Variants in OSBPL10 observed in about 807,000 individuals in gnomAD.
OSBPL10 encodes oxysterol-binding protein-related protein 10.
OSBPL10 carries 49 observed loss-of-function variants against 81.7 expected under a neutral mutation model. That is an observed-to-expected ratio of 0.60 (90% CI 0.48 to 0.76). The LOEUF (loss-of-function observed/expected upper bound fraction) is 0.76, where lower values mean the gene tolerates loss of function less well. OSBPL10 is among the 30% of genes least tolerant of loss of function. The pLI is 0.00. For missense variants in OSBPL10, 923 were observed against 987.8 expected (o/e 0.93, Z 0.88); for synonymous variants, 419 against 383.6 (o/e 1.09, Z -1.08).
intron 3 of OSBPL10, among the ~76,000 whole-genome samples, chr3:31,873,021 C>A (rs919870526): frequency 6.6e-6 from 1 of 152,084 alleles, no homozygotes; most frequent in South Asian, 2.1e-4. Context: ...AAATAGGAAA[C>A]CAATCAGCAG....
intron 2 of OSBPL10, among the ~76,000 whole-genome samples, chr3:31,988,039 C>T (rs1376288627): frequency 6.6e-6 from 1 of 152,204 alleles, no homozygotes; most frequent in East Asian, 1.9e-4. Context: ...GAAGTATTCC[C>T]AGGCCTTGAG....
intron 1 of OSBPL10, among the ~76,000 whole-genome samples, chr3:31,913,751 A>T (rs1029546549): frequency 6.6e-6 from 1 of 152,224 alleles, no homozygotes; most frequent in Non-Finnish European, 1.5e-5. Context: ...TACTGACAAG[A>T]AGCGTTTTTT....
rs551103349 is a variant in OSBPL10 at position 31,859,293 on chromosome 3, G to A, written c.537+17140C>T. 5.3e-5 allele frequency among the ~76,000 whole-genome samples: 8 copies of A among 152,318 alleles called. No individual in the cohort carries two copies. The South Asian group carries it at 1.5e-3, about 28-fold the overall frequency. On this transcript the variant is annotated intron_variant, in intron 3 of 11. Coordinates refer to ENST00000396556, the MANE Select transcript of OSBPL10 (RefSeq NM_017784.5). ...AGTAAAGAGACAAACCATGAAATGG[G>A]AGCTGGAGCTTCCGGATAGCTGAAT...
intron 4 of OSBPL10, among the ~76,000 whole-genome samples, chr3:31,798,393 G>T (rs1288050925): frequency 6.6e-6 from 1 of 151,156 alleles, no homozygotes; most frequent in Non-Finnish European, 1.5e-5. Context: ...TCACACCATT[G>T]CACTTCAGCC....
At chr3:31,885,591 A>G (rs576067178) in intron 1 of OSBPL10, among the ~76,000 whole-genome samples, 36 of 152,282 alleles carry the variant, frequency 2.4e-4, no homozygotes, top group African/African-American at 8.2e-4. Context: ...TTTAGGATCT[A>G]AAAGCTGACA....
At chr3:32,072,035 C>G (rs935385123) in intron 1 of OSBPL10, among the ~76,000 whole-genome samples, 1 of 152,162 alleles carries the variant, frequency 6.6e-6, no homozygotes, top group African/African-American at 2.4e-5. Flanking sequence ...CTCTGCCCCC[C>G]TCTACTACCT....
intron 1 of OSBPL10, among the ~76,000 whole-genome samples, chr3:31,933,278 G>T (rs745692130): frequency 6.6e-6 from 1 of 152,106 alleles, no homozygotes; most frequent in Non-Finnish European, 1.5e-5. Flanking sequence ...GTAAGTTCTC[G>T]ATCCCTTCAG....
At position 31,775,222 on chromosome 3, in the gene OSBPL10, T is replaced by TAA. The variant is rs777173850; in HGVS notation, c.730-27104_730-27103dup. 7.2e-5 allele frequency among the ~76,000 whole-genome samples: 11 copies of TAA among 151,886 alleles called. No individual in the cohort carries two copies. The East Asian group carries it at 2.1e-3, about 30-fold the overall frequency. On this transcript the variant is annotated intron_variant, in intron 4 of 11. Transcript: ENST00000396556. ...AGGAAGTGCTAGAGGTTCAGGGATTTAAAAAAGAGTTTGCCCCGTGAGTAC... is the reference window on the plus strand; with the variant it reads ...AGGAAGTGCTAGAGGTTCAGGGATTTAAAAAAAAGAGTTTGCCCCGTGAGTAC...
intron 3 of OSBPL10, among the ~76,000 whole-genome samples, chr3:31,874,268 C>T (rs1341485950): frequency 5.9e-5 from 9 of 152,026 alleles, no homozygotes; most frequent in Non-Finnish European, 1.0e-4. Context: ...TAATAATTAA[C>T]CTATAAACTC....
At chr3:32,043,047 G>A (rs969147991) in intron 2 of OSBPL10, among the ~76,000 whole-genome samples, 1 of 152,042 alleles carries the variant, frequency 6.6e-6, no homozygotes, top group African/African-American at 2.4e-5. Flanking sequence ...TTACTGGGGC[G>A]GGTTTTTTCC....
At chr3:32,040,443 G>A (rs1699564189) in intron 2 of OSBPL10, among the ~76,000 whole-genome samples, 1 of 152,106 alleles carries the variant, frequency 6.6e-6, no homozygotes, top group Admixed American at 6.6e-5. Flanking sequence ...AGATGTGGTG[G>A]CATGCACCTG....
chr3:31,961,862 C>T (rs1210356683), intron 1 of OSBPL10, among the ~76,000 whole-genome samples: 1 of 150,540 alleles, frequency 6.6e-6, no homozygotes, highest in Admixed American at 6.6e-5. Flanking sequence ...CTATTAATTA[C>T]ATTTAAATAA....
At chr3:31,978,233 T>A (rs765634593) in intron 1 of OSBPL10, among the ~76,000 whole-genome samples, 1 of 152,084 alleles carries the variant, frequency 6.6e-6, no homozygotes, top group Non-Finnish European at 1.5e-5. Flanking sequence ...TCATTAACTG[T>A]GGGCACTTTG....
At chr3:31,872,139 G>A (rs1701344403) in intron 3 of OSBPL10, among the ~76,000 whole-genome samples, 1 of 152,152 alleles carries the variant, frequency 6.6e-6, no homozygotes, top group Admixed American at 6.6e-5. Context: ...AAGTAACACC[G>A]GAAACCACAG....
At chr3:32,001,007 C>T (rs548364207) in intron 2 of OSBPL10, among the ~76,000 whole-genome samples, 4 of 152,144 alleles carry the variant, frequency 2.6e-5, no homozygotes, top group Non-Finnish European at 4.4e-5. Context: ...AGCCATGTTC[C>T]TGGCTGTGTG....
At chr3:31,802,158 G>T (rs113593989) in intron 4 of OSBPL10, among the ~76,000 whole-genome samples, 3,830 of 149,434 alleles carry the variant, frequency 0.026, 76 homozygotes, top group Middle Eastern at 0.035. Context: ...TGGAATTACA[G>T]TCATGAGCCA....
chr3:31,797,271 G>T (rs1056900185), intron 4 of OSBPL10, among the ~76,000 whole-genome samples: 1 of 152,202 alleles, frequency 6.6e-6, no homozygotes, highest in Non-Finnish European at 1.5e-5. Context: ...AGGATTACAG[G>T]CGTGAGCCAC....
Position 32,062,687 on chromosome 3 carries a change from G to A in OSBPL10, n.185+14709C>T, listed in dbSNP as rs1426083478. 3.2e-5 allele frequency among the ~76,000 whole-genome samples: 3 copies of A among 94,558 alleles called. 1 individual carries two copies. The highest frequency in any genetic ancestry group is 8.5e-5 in the Non-Finnish European group (3 of 35,102). The allele number at this position is 94,558 out of a possible 152,430, so 62.0% of individuals were successfully genotyped here. A position where few individuals can be genotyped will look rare whatever the true frequency, so the allele number is the denominator to read the frequency against. On this transcript the variant is annotated intron_variant and non_coding_transcript_variant, in intron 1 of 3. Coordinates refer to the OSBPL10 transcript ENST00000479173. ...GAATCAGACCTGGATTTGTGCTAAT[G>A]TAGCCAACAGCCTGGCATTGCCAGG...
intron 4 of OSBPL10, among the ~76,000 whole-genome samples, chr3:31,814,249 C>T (rs1204577697): frequency 2.0e-5 from 3 of 152,198 alleles, no homozygotes; most frequent in South Asian, 4.1e-4. Flanking sequence ...GGAGCACATA[C>T]GACAGCTCAT....
Sources: allele counts gnomAD v4.1 joint callset (sites outside exome capture counted in the v4.1 genomes callset), GRCh38; gene constraint gnomAD v4.1.1; transcripts MANE v1.5; gene names NCBI Gene and HGNC (gene_info 2026-07-23, HGNC 2026-07-21).